The following ABHD6 variants were observed in gnomAD, a reference collection of about 807,000 sequenced individuals.
The protein encoded by ABHD6 is monoacylglycerol lipase ABHD6.
Under a neutral mutation model 38.8 loss-of-function variants are expected in ABHD6, and 33 were observed. That is an observed-to-expected ratio of 0.85 (90% CI 0.64 to 1.14). The LOEUF (loss-of-function observed/expected upper bound fraction) is 1.14. Ranked by LOEUF, ABHD6 falls within the 50% of genes most tolerant of loss-of-function variation. The pLI, the probability that ABHD6 is intolerant of heterozygous loss-of-function variation, is 0.00. For synonymous variants in ABHD6, 147 were observed against 161.6 expected, an observed-to-expected ratio of 0.91 and a Z score of 0.69; for missense variants, 380 against 422.6, an observed-to-expected ratio of 0.90 and a Z score of 0.88.
At chr3:58,243,504 G>C (rs1429404538) in intron 1 of ABHD6, among the ~76,000 whole-genome samples, 1 of 152,076 alleles carries the variant, frequency 6.6e-6, no homozygotes, top group Non-Finnish European at 1.5e-5. Context: ...TTTTAAAGGA[G>C]AACTGGGGGT....
intron 7 of ABHD6, among the ~76,000 whole-genome samples, chr3:58,281,477 C>T (rs1438695474): frequency 2.0e-5 from 3 of 152,108 alleles, no homozygotes; most frequent in Admixed American, 6.6e-5. Flanking sequence ...GCAGGAGTGT[C>T]CCAGTTTTCC....
chr3:58,247,663 A>G (rs1157477525), intron 1 of ABHD6, among the ~76,000 whole-genome samples: 1 of 151,964 alleles, frequency 6.6e-6, no homozygotes, highest in Non-Finnish European at 1.5e-5. Context: ...TGCAACCTCC[A>G]CCTCGCGGTC....
At chr3:58,275,798 C>T (rs2097448316) in intron 7 of ABHD6, among the ~76,000 whole-genome samples, 2 of 151,718 alleles carry the variant, frequency 1.3e-5, no homozygotes, top group South Asian at 2.1e-4. Flanking sequence ...CCCCCAGCCC[C>T]CTACCCCCTG....
At chr3:58,276,455 A>G (rs2097448781) in intron 7 of ABHD6, among the ~76,000 whole-genome samples, 1 of 151,610 alleles carries the variant, frequency 6.6e-6, no homozygotes, top group South Asian at 2.1e-4. Context: ...CCACTTTTTG[A>G]TGGGGTTGTT....
chr3:58,289,660 C>A (rs1393143860), intron 9 of ABHD6, among the ~76,000 whole-genome samples: 3 of 152,246 alleles, frequency 2.0e-5, no homozygotes, highest in Non-Finnish European at 4.4e-5. Flanking sequence ...CGGCAACCAT[C>A]CGATTTCTCA....
intron 5 of ABHD6, among the ~76,000 whole-genome samples, chr3:58,270,614 A>T (rs967185111): frequency 2.0e-5 from 3 of 152,118 alleles, no homozygotes; most frequent in African/African-American, 7.2e-5. Context: ...GTTAGCCATG[A>T]TCACGCCACT....
intron 6 of ABHD6, 131 bp downstream of exon 6, chr3:58,271,195 G>T: frequency 9.7e-7 from 1 of 1,027,856 alleles, no homozygotes. Flanking sequence ...GTGTTTTACT[G>T]ATAACTCTAA....
At chr3:58,242,066 T>C (rs2097423225) in intron 1 of ABHD6, among the ~76,000 whole-genome samples, 1 of 152,060 alleles carries the variant, frequency 6.6e-6, no homozygotes, top group South Asian at 2.1e-4. Context: ...ACTTTTAGGA[T>C]GGGCTGGAGC....
intron 1 of ABHD6, among the ~76,000 whole-genome samples, chr3:58,245,527 C>A (rs1002986688): frequency 1.3e-5 from 2 of 151,968 alleles, no homozygotes; most frequent in Non-Finnish European, 2.9e-5. Flanking sequence ...GCCTGTAATC[C>A]CAGCACTTTG....
At chr3:58,290,598 C>T (rs1469300637) in intron 9 of ABHD6, among the ~76,000 whole-genome samples, 1 of 145,788 alleles carries the variant, frequency 6.9e-6, no homozygotes, top group Non-Finnish European at 1.5e-5. Context: ...GGCTGCCGGG[C>T]GGAGGGGCTC....
At chr3:58,271,207 C>A in intron 6 of ABHD6, 143 bp downstream of exon 6, 1 of 879,334 alleles carries the variant, frequency 1.1e-6, no homozygotes, top group Non-Finnish European at 1.6e-6. Context: ...TAACTCTAAC[C>A]AACCAATAGT....
chr3:58,266,644 C>G lies in ABHD6; in HGVS notation c.120-545C>G, dbSNP rs548611646. Reference sequence around the variant, plus strand: ...GTGTGAAGTATCTTACAAAGTGCACCTCTGATTGAATTAATTATCTCTCAT... The same window carrying G: ...GTGTGAAGTATCTTACAAAGTGCACGTCTGATTGAATTAATTATCTCTCAT... On this transcript the variant is annotated intron_variant, in intron 3 of 9. Transcript: ENST00000478253. This position sits in a 1 kb window ranked among gnomAD's most constrained non-coding sequence, Gnocchi z 4.0. 5.3e-5 allele frequency among the ~76,000 whole-genome samples: 8 copies of G among 152,256 alleles called. No individual in the cohort carries two copies. In the East Asian group the frequency reaches 1.5e-3, roughly 29 times the overall value.
chr3:58,255,734 T>G (rs1323028515), intron 2 of ABHD6, among the ~76,000 whole-genome samples: 1 of 152,180 alleles, frequency 6.6e-6, no homozygotes, highest in Non-Finnish European at 1.5e-5. Flanking sequence ...AACCTCTGCC[T>G]CCTGGGTTCA....
In ABHD6 at chr3:58,255,701, A is replaced by G. The variant is rs190769950; in HGVS notation, c.-25-861A>G. The stretch of plus-strand genomic sequence containing the variant: ...GTCTTGTTGCCCAGGCTAGAGTGCA[A>G]TGGCACAATCTTGGCTCACTGCAAC... On this transcript the variant is annotated intron_variant, in intron 2 of 9. Transcript: ENST00000478253. 5.9e-5 allele frequency among the ~76,000 whole-genome samples: 9 copies of G among 151,862 alleles called. No individual in the cohort carries two copies. The South Asian group carries it at 6.3e-4, about 11-fold the overall frequency.
intron 9 of ABHD6, among the ~76,000 whole-genome samples, chr3:58,291,016 G>A (rs1345240675): frequency 1.3e-5 from 2 of 151,630 alleles, no homozygotes; most frequent in Non-Finnish European, 2.9e-5. Flanking sequence ...ACTTTGGGAG[G>A]CCAAGGCAGG....
chr3:58,292,847 C>T (rs777764766), intron 9 of ABHD6, among the ~76,000 whole-genome samples: 5 of 152,094 alleles, frequency 3.3e-5, no homozygotes, highest in Non-Finnish European at 7.4e-5. Context: ...ACCTGGGAGG[C>T]GGAGGTTGCA....
At chr3:58,286,842 G>GTATA (rs1553721703) in intron 9 of ABHD6, among the ~76,000 whole-genome samples, 25 of 36,422 alleles carry the variant, frequency 6.9e-4, no homozygotes, top group African/African-American at 2.7e-3. Flanking sequence ...GTGTGTGTGT[G>GTATA]TGTGTGTGTG....
rs1286006632 is a variant in ABHD6, at chr3:58,290,178, C to G, written c.838-3411C>G. 3.3e-4 allele frequency among the ~76,000 whole-genome samples: 35 copies of G among 106,838 alleles called. 2 individuals are homozygous for G. Among genetic ancestry groups the G allele is most frequent in the Admixed American group, 2.8e-3 (33 of 11,910 alleles). 70.1% of individuals were successfully genotyped at this position (106,838 alleles called of 152,430 possible). A position where few individuals can be genotyped will look rare whatever the true frequency, so the allele number is the denominator to read the frequency against. ...TGGCCGGGCGGGGGGCTGACCCCCC[C>G]ACCTCCCTCCCGGACGGGGCGGCTG... On this transcript the variant is annotated intron_variant, in intron 9 of 9. Coordinates refer to ENST00000478253, the MANE Select transcript of ABHD6 (RefSeq NM_001320126.2).
At chr3:58,292,023 C>T (rs9879424) in intron 9 of ABHD6, among the ~76,000 whole-genome samples, 4,829 of 152,286 alleles carry the variant, frequency 0.032, 258 homozygotes, top group African/African-American at 0.11. Flanking sequence ...ACTGCATCTG[C>T]GTTTCTTCTG....
Sources: allele counts gnomAD v4.1 joint callset (sites outside exome capture counted in the v4.1 genomes callset), GRCh38; gene constraint gnomAD v4.1.1; non-coding constraint Gnocchi (gnomAD v3.1); transcripts MANE v1.5; gene names NCBI Gene and HGNC (gene_info 2026-07-23, HGNC 2026-07-21).